Variants in NRG3 observed in about 807,000 individuals in gnomAD.
NRG3 encodes the protein neuregulin 3.
NRG3 carries 31 observed loss-of-function variants against 66.9 expected under a neutral mutation model. That is an observed-to-expected ratio of 0.46 (90% CI 0.35 to 0.63). NRG3 has a LOEUF of 0.63. NRG3 is among the 20% of genes least tolerant of loss of function. The pLI is 0.00. For missense variants in NRG3, 910 were observed against 878.9 expected, an observed-to-expected ratio of 1.04 and a Z score of -0.45; for synonymous variants, 393 against 359.4, an observed-to-expected ratio of 1.09 and a Z score of -1.06.
At chr10:82,364,853 C>A (rs368659155) in intron 2 of NRG3, among the ~76,000 whole-genome samples, 1 of 152,100 alleles carries the variant, frequency 6.6e-6, no homozygotes, top group Non-Finnish European at 1.5e-5. Context: ...CTACCATTGC[C>A]CAGGGTGATA....
At chr10:82,295,009 A>T (rs1317571431) in intron 1 of NRG3, among the ~76,000 whole-genome samples, 1 of 152,204 alleles carries the variant, frequency 6.6e-6, no homozygotes, top group Non-Finnish European at 1.5e-5. Flanking sequence ...TAAATCAAGG[A>T]GCCCGGAAAA....
At chr10:82,210,533 T>C (rs2075345390) in intron 1 of NRG3, among the ~76,000 whole-genome samples, 1 of 152,160 alleles carries the variant, frequency 6.6e-6, no homozygotes, top group Non-Finnish European at 1.5e-5. Flanking sequence ...ACTTTGGGGC[T>C]GGAAGAGCAC....
chr10:81,875,719 A>T lies in NRG3; in HGVS notation c.379A>T (p.Thr127Ser), dbSNP rs747827036. 1 of 1,604,690 alleles carries T rather than the reference A, an allele frequency of 6.2e-7. No homozygotes were observed. Among genetic ancestry groups the T allele is most frequent in the Non-Finnish European group, 8.5e-7 (1 of 1,179,664 alleles). The change falls in exon 1 of 9, where the codon ACC becomes TCC. Residue 127 changes from threonine (T) to serine (S), a missense_variant. Coordinates refer to ENST00000372141, the MANE Select transcript of NRG3 (RefSeq NM_001010848.4). This position sits in a 1 kb window ranked among gnomAD's most constrained non-coding sequence, Gnocchi z 5.3. ...KPSSFPKAMETTTTTTSTTSP... is the reference protein window; with the variant it reads ...KPSSFPKAMESTTTTTSTTSP... ...CAGCTCTTTCCCCAAGGCCATGGAG[A>T]CCACCACCACTACCACTTCCACCAC...
intron 3 of NRG3, among the ~76,000 whole-genome samples, chr10:82,838,633 G>C (rs1021336185): frequency 2.0e-5 from 3 of 149,774 alleles, no homozygotes; most frequent in Admixed American, 1.3e-4. Flanking sequence ...TTTTTTTAAA[G>C]AAATAATTGA....
At chr10:82,797,727 G>C (rs1192898779) in intron 3 of NRG3, among the ~76,000 whole-genome samples, 1 of 151,928 alleles carries the variant, frequency 6.6e-6, no homozygotes, top group Non-Finnish European at 1.5e-5. Flanking sequence ...ACTTCATTTT[G>C]TCTCATCTGC....
At chr10:82,568,787 C>T (rs890823641) in intron 2 of NRG3, among the ~76,000 whole-genome samples, 1 of 151,788 alleles carries the variant, frequency 6.6e-6, no homozygotes, top group African/African-American at 2.4e-5. Flanking sequence ...TTGTCGTTGA[C>T]ACTCATTGTG....
chr10:82,009,944 T>C (rs1321336017), intron 1 of NRG3, among the ~76,000 whole-genome samples: 2 of 152,178 alleles, frequency 1.3e-5, no homozygotes, highest in Admixed American at 1.3e-4. Flanking sequence ...TTCTTTGACA[T>C]TTTTCATTAC....
chr10:82,718,185 T>G (rs1294904482), intron 2 of NRG3, among the ~76,000 whole-genome samples: 1 of 152,202 alleles, frequency 6.6e-6, no homozygotes, highest in East Asian at 1.9e-4. Context: ...CTCAAATATC[T>G]CCCTTTCTCC....
chr10:82,460,444 G>A (rs1246171730), intron 2 of NRG3, among the ~76,000 whole-genome samples: 2 of 152,116 alleles, frequency 1.3e-5, no homozygotes, highest in Non-Finnish European at 2.9e-5. Flanking sequence ...AATATAACTA[G>A]CTACTAAATT....
chr10:82,837,891 C>A (rs1008044913), intron 3 of NRG3, among the ~76,000 whole-genome samples: 17 of 152,112 alleles, frequency 1.1e-4, no homozygotes, highest in African/African-American at 4.1e-4. Flanking sequence ...TAGGATAAGG[C>A]ACTTATAGGA....
rs77093998 is a variant in NRG3 at position 81,991,706 on chromosome 10, G to T, written c.823+115543G>T. Among the ~76,000 whole-genome samples the T allele has an allele frequency of 1.7e-3, 258 of 152,150 alleles. 3 individuals are homozygous for T. The highest frequency in any genetic ancestry group is 6.8e-3 in the East Asian group (35 of 5,176). On this transcript the variant is annotated intron_variant, in intron 1 of 8. Coordinates refer to ENST00000372141, the MANE Select transcript of NRG3 (RefSeq NM_001010848.4). Reference sequence around the variant, plus strand: ...ATGAAAACCACACATGATTTAGCTTGTTTGGATTGCTATTTGATGATATTT... The same window carrying T: ...ATGAAAACCACACATGATTTAGCTTTTTTGGATTGCTATTTGATGATATTT...
intron 3 of NRG3, 66 bp downstream of exon 3, chr10:82,738,716 G>T: frequency 1.5e-6 from 2 of 1,334,286 alleles, no homozygotes; most frequent in Non-Finnish European, 2.2e-6. Flanking sequence ...AGCAATGGTT[G>T]TTAACTCAGC....
intron 2 of NRG3, among the ~76,000 whole-genome samples, chr10:82,550,294 T>C (rs571194969): frequency 6.6e-6 from 1 of 152,328 alleles, no homozygotes; most frequent in East Asian, 1.9e-4. Context: ...GAAGACTAAT[T>C]GCTAGAATAC....
At chr10:82,599,555 C>G (rs571166191) in intron 2 of NRG3, among the ~76,000 whole-genome samples, 1 of 152,324 alleles carries the variant, frequency 6.6e-6, no homozygotes, top group Non-Finnish European at 1.5e-5. Flanking sequence ...GGGCTCACGC[C>G]TGTAATCTCA....
rs147793493 is a variant in NRG3, at chr10:82,388,941, C to T, written c.953+30073C>T. ...AGTCAGTGGGCCTTGGAAAGGAGCCCGGGAATCTGCATTTTACAAAAGATC... is the reference window on the plus strand; with the variant it reads ...AGTCAGTGGGCCTTGGAAAGGAGCCTGGGAATCTGCATTTTACAAAAGATC... On this transcript the variant is annotated intron_variant, in intron 2 of 8. Transcript: ENST00000372141. 3.6e-3 allele frequency among the ~76,000 whole-genome samples: 551 copies of T among 152,130 alleles called. 1 individual carries two copies. Among genetic ancestry groups the T allele is most frequent in the African/African-American group, 0.012 (518 of 41,502 alleles).
intron 2 of NRG3, among the ~76,000 whole-genome samples, chr10:82,434,368 T>G (rs2090000713): frequency 2.0e-5 from 3 of 152,098 alleles, no homozygotes; most frequent in Admixed American, 2.0e-4. Flanking sequence ...TGGGGTTTCC[T>G]AAATACAAAA....
chr10:82,547,511 T>A (rs2044002463), intron 2 of NRG3, among the ~76,000 whole-genome samples: 1 of 145,008 alleles, frequency 6.9e-6, no homozygotes, highest in South Asian at 2.1e-4. Flanking sequence ...ATATATATAT[T>A]CCATATATAG....
intron 2 of NRG3, among the ~76,000 whole-genome samples, chr10:82,722,871 A>G (rs987614831): frequency 6.6e-6 from 1 of 152,202 alleles, no homozygotes; most frequent in East Asian, 1.9e-4. Context: ...TGAGGATAAT[A>G]GTATAGTTAA....
At chr10:82,538,923 T>C (rs2043346601) in intron 2 of NRG3, among the ~76,000 whole-genome samples, 1 of 151,964 alleles carries the variant, frequency 6.6e-6, no homozygotes, top group Non-Finnish European at 1.5e-5. Flanking sequence ...GGGGAAGAGG[T>C]TGTCTCTACA....
Sources: allele counts gnomAD v4.1 joint callset (sites outside exome capture counted in the v4.1 genomes callset), GRCh38; gene constraint gnomAD v4.1.1; non-coding constraint Gnocchi (gnomAD v3.1); transcripts MANE v1.5; gene names NCBI Gene and HGNC (gene_info 2026-07-23, HGNC 2026-07-21).